VWA8: variants seen among roughly 807,000 people sequenced by gnomAD.
VWA8 encodes the protein von Willebrand factor A domain-containing protein 8.
A neutral mutation model predicts 241.5 loss-of-function variants in VWA8; 221 were observed. The observed-to-expected ratio is 0.91, with a 90% CI of 0.82 to 1.02. The LOEUF (loss-of-function observed/expected upper bound fraction) is 1.02, where lower values mean the gene tolerates loss of function less well. Among genes scored for constraint, VWA8 ranks in the 50% least tolerant of loss-of-function variants. VWA8 has a pLI of 0.00. For missense variants in VWA8, 2,322 were observed against 2,328.7 expected, an observed-to-expected ratio of 1.00 and a Z score of 0.06; for synonymous variants, 852 against 827.1, an observed-to-expected ratio of 1.03 and a Z score of -0.52.
chr13:41,892,500 G>A (rs1170878973), intron 4 of VWA8, among the ~76,000 whole-genome samples: 1 of 152,154 alleles, frequency 6.6e-6, no homozygotes, highest in Non-Finnish European at 1.5e-5. Flanking sequence ...TCCATTAAAT[G>A]TAGATGATGG....
intron 37 of VWA8, among the ~76,000 whole-genome samples, chr13:41,650,810 C>A (rs1324841701): frequency 2.6e-5 from 4 of 152,030 alleles, no homozygotes; most frequent in African/African-American, 9.7e-5. Flanking sequence ...ATGTGTTTTG[C>A]TGAGGGTAGA....
Position 41,819,365 on chromosome 13 carries a change from G to A in VWA8, c.1722C>T (p.Pro574=). The A allele has an allele frequency of 3.1e-6, 5 of 1,602,838 alleles. No individual in the cohort carries two copies. The highest frequency in any genetic ancestry group is 4.2e-6 in the Non-Finnish European group (5 of 1,177,384). The change falls in exon 15 of 45, where the codon CCC becomes CCT. Residue 574 remains proline, a synonymous_variant. Transcript: ENST00000379310. ...LQKRSIFPIH[P]SFRIIALAEP... ...CTGCCAAGGCAATGATTCTGAAGGA[G>A]GGATGGATAGGAAAAATGGATCTAA...
At chr13:41,804,361 T>C (rs375989934) in intron 17 of VWA8, among the ~76,000 whole-genome samples, 2 of 152,186 alleles carry the variant, frequency 1.3e-5, no homozygotes, top group East Asian at 3.9e-4. Context: ...GCATGATACA[T>C]TTAAAGTGCT....
At chr13:41,802,010 C>T (rs942882763) in intron 17 of VWA8, among the ~76,000 whole-genome samples, 1 of 152,170 alleles carries the variant, frequency 6.6e-6, no homozygotes, top group African/African-American at 2.4e-5. Context: ...TCCACAGGAA[C>T]ACCAAATTAA....
At chr13:41,838,524 A>G (rs35759877) in intron 12 of VWA8, among the ~76,000 whole-genome samples, 440 of 152,320 alleles carry the variant, frequency 2.9e-3, no homozygotes, top group South Asian at 0.014. Context: ...TTTAAAAAAT[A>G]CGCATTTCTA....
intron 43 of VWA8, 110 bp from the exon 44 acceptor site, chr13:41,570,816 A>C: frequency 1.2e-6 from 1 of 844,590 alleles, no homozygotes; most frequent in Non-Finnish European, 1.9e-6. Context: ...ATTATTACCC[A>C]TGAGTAGTAC....
At chr13:41,859,107 CAAA>C (rs1160058665) in intron 12 of VWA8, among the ~76,000 whole-genome samples, 1 of 106,548 alleles carries the variant, frequency 9.4e-6, no homozygotes, top group African/African-American at 3.5e-5. Context: ...AAGTCAGCGT[CAAA>C]AAAAAAAAAA....
At chr13:41,681,497 T>C (rs1007173829) in intron 35 of VWA8, among the ~76,000 whole-genome samples, 1 of 152,078 alleles carries the variant, frequency 6.6e-6, no homozygotes, top group Non-Finnish European at 1.5e-5. Flanking sequence ...TTTAAAAACA[T>C]AAAAAAAGCT....
At chr13:41,939,512 C>T (rs1169152658) in intron 2 of VWA8, among the ~76,000 whole-genome samples, 1 of 152,098 alleles carries the variant, frequency 6.6e-6, no homozygotes, top group Non-Finnish European at 1.5e-5. Flanking sequence ...ATCCAACTCT[C>T]ATGTCTATGA....
chr13:41,611,713 G>A lies in VWA8; in HGVS notation c.4740C>T (p.Gly1580=), dbSNP rs771182755. The A allele has an allele frequency of 5.0e-6, 8 of 1,613,890 alleles. No homozygotes were observed. In the African/African-American group the frequency reaches 8.0e-5, roughly 16 times the overall value. ...AGGTGGRDTA[G]LGGKGGPYRL... ...GGTAAGGGCCTCCTTTGCCACCCAG[G>A]CCTGCCGTGTCTCTTCCCCCTGGAA... Residue 1580 remains glycine (G), a synonymous_variant, in exon 39 of 45, where the codon GGC becomes GGT. Coordinates refer to ENST00000379310, the MANE Select transcript of VWA8 (RefSeq NM_015058.2).
chr13:41,806,945 C>G (rs1455898438), intron 17 of VWA8, among the ~76,000 whole-genome samples: 3 of 148,990 alleles, frequency 2.0e-5, no homozygotes, highest in Non-Finnish European at 4.5e-5. Context: ...AATTGACAAA[C>G]CTTTACTCCA....
intron 40 of VWA8, among the ~76,000 whole-genome samples, chr13:41,591,594 A>G (rs187200290): frequency 0.016 from 2,450 of 152,228 alleles, 72 homozygotes; most frequent in African/African-American, 0.055. Flanking sequence ...TCCAGAATCT[A>G]CAATGAACTT....
intron 21 of VWA8, among the ~76,000 whole-genome samples, chr13:41,739,576 A>T (rs929039637): frequency 2.6e-5 from 4 of 152,188 alleles, no homozygotes; most frequent in Non-Finnish European, 5.9e-5. Context: ...TATGTTTATC[A>T]GACTTTAACC....
intron 37 of VWA8, among the ~76,000 whole-genome samples, chr13:41,620,724 G>T (rs925288739): frequency 1.3e-5 from 2 of 152,248 alleles, no homozygotes; most frequent in Admixed American, 1.3e-4. Context: ...AGAATCTATG[G>T]CTGGTTTTTA....
At chr13:41,771,024 C>T (rs1423935587) in intron 20 of VWA8, among the ~76,000 whole-genome samples, 1 of 151,356 alleles carries the variant, frequency 6.6e-6, no homozygotes, top group Non-Finnish European at 1.5e-5. Context: ...CTTTTGATGA[C>T]TTACTTTGAA....
At chr13:41,817,171 G>A (rs1405081747) in intron 15 of VWA8, among the ~76,000 whole-genome samples, 1 of 152,108 alleles carries the variant, frequency 6.6e-6, no homozygotes. Flanking sequence ...TTGTCTTACT[G>A]AAACCAAGTT....
At chr13:41,590,513 T>TAA in intron 41 of VWA8, 127 bp downstream of exon 41, 1 of 958,484 alleles carries the variant, frequency 1.0e-6, no homozygotes, top group Non-Finnish European at 1.4e-6. Flanking sequence ...TTTTTTTTTT[T>TAA]AACATAATGC....
At chr13:41,778,832 C>CTCTTTTTTTTTTTTTTTTTTTTTT (rs1566453794) in intron 19 of VWA8, among the ~76,000 whole-genome samples, 1 of 82,648 alleles carries the variant, frequency 1.2e-5, no homozygotes, top group African/African-American at 4.8e-5. Context: ...CAGTACGTCA[C>CTCTTTTTTTTTTTTTTTTTTTTTT]TTTTTTTTTT....
intron 20 of VWA8, among the ~76,000 whole-genome samples, chr13:41,770,993 G>C (rs925901861): frequency 3.3e-5 from 5 of 150,030 alleles, no homozygotes; most frequent in African/African-American, 1.2e-4. Context: ...TATTAATTAT[G>C]CCTCATTAAA....
Sources: allele counts gnomAD v4.1 joint callset (sites outside exome capture counted in the v4.1 genomes callset), GRCh38; gene constraint gnomAD v4.1.1; transcripts MANE v1.5; gene names NCBI Gene and HGNC (gene_info 2026-07-23, HGNC 2026-07-21).